Variants in SLC8A1 observed in about 807,000 individuals in gnomAD.
The protein encoded by SLC8A1 is solute carrier family 8 member A1.
In SLC8A1, 18 loss-of-function variants were observed where a neutral mutation model predicts 68.3. That is an observed-to-expected ratio of 0.26 (90% CI 0.18 to 0.39). The LOEUF is 0.39. Ranked by LOEUF, SLC8A1 falls within the 10% of genes least tolerant of loss-of-function variation. The pLI, the probability that SLC8A1 is intolerant of heterozygous loss-of-function variation, is 1.00. For missense variants in SLC8A1, 985 were observed against 1,156.7 expected, an observed-to-expected ratio of 0.85 and a Z score of 2.15; for synonymous variants, 475 against 415.5, an observed-to-expected ratio of 1.14 and a Z score of -1.74.
At chr2:40,334,823 T>A (rs1267374156) in intron 2 of SLC8A1, among the ~76,000 whole-genome samples, 1 of 152,164 alleles carries the variant, frequency 6.6e-6, no homozygotes, top group Non-Finnish European at 1.5e-5. Flanking sequence ...AAAGAAGAAC[T>A]GTTGAGCCAG....
At chr2:40,503,558 CAA>C (rs1367703242) in intron 1 of SLC8A1, among the ~76,000 whole-genome samples, 1 of 151,860 alleles carries the variant, frequency 6.6e-6, no homozygotes, top group Non-Finnish European at 1.5e-5. Context: ...TTGGAAAAAC[CAA>C]AAGACTCCAC....
chr2:40,350,472 C>T (rs898826162), intron 2 of SLC8A1, among the ~76,000 whole-genome samples: 6 of 151,506 alleles, frequency 4.0e-5, no homozygotes, highest in Non-Finnish European at 8.8e-5. Context: ...CAGAGTTAAA[C>T]TCTGTCCCCC....
At chr2:40,242,432 C>A (rs1574581607) in intron 2 of SLC8A1, among the ~76,000 whole-genome samples, 1 of 152,286 alleles carries the variant, frequency 6.6e-6, no homozygotes, top group Non-Finnish European at 1.5e-5. Flanking sequence ...GCCTGCCATG[C>A]TGCCTGTGTT....
At chr2:40,507,151 G>A (rs545269340) in intron 1 of SLC8A1, among the ~76,000 whole-genome samples, 20 of 152,004 alleles carry the variant, frequency 1.3e-4, no homozygotes, top group African/African-American at 3.9e-4. Flanking sequence ...AATTTAGCAC[G>A]TATGGGTGAT....
chr2:40,387,830 T>G (rs949064405), intron 2 of SLC8A1, among the ~76,000 whole-genome samples: 1 of 150,362 alleles, frequency 6.7e-6, no homozygotes, highest in African/African-American at 2.5e-5. Context: ...CCAGCTACTT[T>G]GGAGCCTGAG....
intron 2 of SLC8A1, among the ~76,000 whole-genome samples, chr2:40,192,383 T>A (rs2052045882): frequency 6.6e-6 from 1 of 152,092 alleles, no homozygotes; most frequent in African/African-American, 2.4e-5. Context: ...TACATTTATA[T>A]AACTAAAGCC....
At chr2:40,345,794 T>A (rs1310587039) in intron 2 of SLC8A1, among the ~76,000 whole-genome samples, 1 of 151,740 alleles carries the variant, frequency 6.6e-6, no homozygotes, top group Non-Finnish European at 1.5e-5. Flanking sequence ...AGTTGAACAA[T>A]GAGAACACAT....
At chr2:40,197,045 G>A (rs892123369) in intron 2 of SLC8A1, among the ~76,000 whole-genome samples, 5 of 152,064 alleles carry the variant, frequency 3.3e-5, no homozygotes, top group Admixed American at 2.6e-4. Flanking sequence ...AAGATGTCAT[G>A]GAAGTGCTCC....
At chr2:40,411,630 C>A (rs1359054338) in intron 2 of SLC8A1, among the ~76,000 whole-genome samples, 1 of 151,464 alleles carries the variant, frequency 6.6e-6, no homozygotes, top group African/African-American at 2.4e-5. Flanking sequence ...CAAAAACAAA[C>A]AATAGGGGCC....
intron 5 of SLC8A1, among the ~76,000 whole-genome samples, chr2:40,164,392 G>C (rs2046204279): frequency 6.6e-6 from 1 of 152,142 alleles, no homozygotes; most frequent in African/African-American, 2.4e-5. Context: ...ATATAAATGA[G>C]AGCTTGTCAA....
intron 2 of SLC8A1, among the ~76,000 whole-genome samples, chr2:40,349,995 C>T (rs1457227623): frequency 6.6e-6 from 1 of 152,078 alleles, no homozygotes; most frequent in Non-Finnish European, 1.5e-5. Context: ...GACTAAAAAT[C>T]AGAGATTAGA....
intron 6 of SLC8A1, among the ~76,000 whole-genome samples, chr2:40,155,013 A>G (rs1035397801): frequency 4.6e-5 from 7 of 152,180 alleles, no homozygotes; most frequent in Non-Finnish European, 1.0e-4. Context: ...ATGAATGTTG[A>G]TATCACATAA....
intron 2 of SLC8A1, among the ~76,000 whole-genome samples, chr2:40,386,377 T>C (rs781492558): frequency 9.8e-4 from 148 of 151,126 alleles, no homozygotes; most frequent in Non-Finnish European, 1.9e-3. Context: ...TTCCTTTCCT[T>C]GGCTCAAACC....
intron 7 of SLC8A1, among the ~76,000 whole-genome samples, chr2:40,122,235 C>T (rs552144305): frequency 3.4e-4 from 50 of 149,162 alleles, no homozygotes; most frequent in East Asian, 1.6e-3. Flanking sequence ...CGTGTGCGCG[C>T]GCACACACAC....
At chr2:40,335,829 G>A (rs1473801021) in intron 2 of SLC8A1, among the ~76,000 whole-genome samples, 1 of 152,166 alleles carries the variant, frequency 6.6e-6, no homozygotes, top group Non-Finnish European at 1.5e-5. Context: ...CAGGCTCTTT[G>A]GGAACCTGAT....
chr2:40,227,263 C>G (rs576750615), intron 2 of SLC8A1, among the ~76,000 whole-genome samples: 1 of 12,794 alleles, frequency 7.8e-5, no homozygotes, highest in South Asian at 1.2e-3. Context: ...GGGGACCTAT[C>G]TATCTGTAAT....
intron 1 of SLC8A1, among the ~76,000 whole-genome samples, chr2:40,467,688 G>T (rs1703773588): frequency 6.6e-6 from 1 of 152,110 alleles, no homozygotes; most frequent in Admixed American, 6.6e-5. Flanking sequence ...TCAGAACGCT[G>T]TCCACTTTAA....
rs1425613895 is a variant in SLC8A1 at position 40,160,872 on chromosome 2, T to C, written c.2062-8A>G. The C allele has an allele frequency of 3.7e-6, 6 of 1,604,892 alleles. No individual in the cohort carries two copies. Among genetic ancestry groups the C allele is most frequent in the Non-Finnish European group, 5.1e-6 (6 of 1,172,286 alleles). On this transcript the variant is annotated splice_region_variant and splice_polypyrimidine_tract_variant and intron_variant, in intron 5 of 7. Coordinates refer to ENST00000406785, the Ensembl canonical transcript of SLC8A1. The stretch of plus-strand genomic sequence containing the variant: ...GAGTTTGTCCACAGTACTCTAGAAA[T>C]GTTGAAAAGAAAAATATAAATGCTG...
rs2048895252 is a variant in SLC8A1 at position 40,178,569 on chromosome 2, A to G, written c.1809-714T>C. On this transcript the variant is annotated intron_variant, in intron 2 of 7. Transcript: ENST00000406785. ...GAAGGAACATAGAGAAGAGGAAAGC[A>G]AGGTTAACCAGCTGCACTTTCAGAC... 4.0e-6 allele frequency: 5 copies of G among 1,237,012 alleles called. No homozygotes were observed. The South Asian group carries it at 6.3e-5, about 16-fold the overall frequency. The allele number at this position is 1,237,012 out of a possible 1,614,324, so 76.6% of individuals were successfully genotyped here.
Sources: allele counts gnomAD v4.1 joint callset (sites outside exome capture counted in the v4.1 genomes callset), GRCh38; gene constraint gnomAD v4.1.1; transcripts MANE v1.5; gene names NCBI Gene and HGNC (gene_info 2026-07-23, HGNC 2026-07-21).